Variants in TPX2 observed in about 807,000 individuals in gnomAD.
TPX2 encodes TPX2 microtubule nucleation factor.
TPX2 carries 21 observed loss-of-function variants against 93.6 expected under a neutral mutation model. The ratio of observed to expected loss-of-function variants is 0.22; its 90% CI spans 0.16 to 0.32. TPX2 has a LOEUF of 0.32. TPX2 is among the 10% of genes least tolerant of loss of function. The probability of loss-of-function intolerance (pLI) is 1.00; values close to 1 mark genes in which losing one functional copy is unlikely to be tolerated. For synonymous variants in TPX2, 281 were observed against 298.3 expected (o/e 0.94, Z 0.60); for missense variants, 776 against 871.1 (o/e 0.89, Z 1.37).
chr20:31,800,158 C>T (rs1555788804), intron 17 of TPX2, among the ~76,000 whole-genome samples: 2 of 152,060 alleles, frequency 1.3e-5, no homozygotes, highest in Non-Finnish European at 1.5e-5. Flanking sequence ...GTGATTATGC[C>T]CATAGGAAGG....
rs186879206 is a variant in TPX2 at position 31,749,449 on chromosome 20, A to G, written c.-71+6802A>G. Among the ~76,000 whole-genome samples the G allele has an allele frequency of 2.1e-3, 314 of 152,306 alleles. 1 individual carries two copies. The highest frequency in any genetic ancestry group is 3.8e-3 in the Non-Finnish European group (256 of 68,028). Reference sequence around the variant, plus strand: ...GATTATTGTGAGGATTTAGTGAGTTAATACATGTAAGACACTGTCAACAGT... The same window carrying G: ...GATTATTGTGAGGATTTAGTGAGTTGATACATGTAAGACACTGTCAACAGT... On this transcript the variant is annotated intron_variant, in intron 2 of 17. Coordinates refer to ENST00000300403, the MANE Select transcript of TPX2 (RefSeq NM_012112.5).
intron 6 of TPX2, 66 bp downstream of exon 6, chr20:31,770,537 T>C: frequency 7.3e-7 from 1 of 1,376,208 alleles, no homozygotes; most frequent in Non-Finnish European, 9.6e-7. Context: ...ACTTGTAAGT[T>C]TCTTTTCTGA....
At chr20:31,787,079 T>C (rs2062072003) in intron 12 of TPX2, among the ~76,000 whole-genome samples, 1 of 151,820 alleles carries the variant, frequency 6.6e-6, no homozygotes, top group African/African-American at 2.4e-5. Flanking sequence ...TTAATAGTAA[T>C]TGTCATTTTA....
chr20:31,762,673 A>G (rs2061897409), intron 4 of TPX2, among the ~76,000 whole-genome samples: 1 of 152,108 alleles, frequency 6.6e-6, no homozygotes, highest in South Asian at 2.1e-4. Context: ...TAGTTGTTTC[A>G]TAGTTTAAGG....
intron 2 of TPX2, among the ~76,000 whole-genome samples, chr20:31,756,195 A>G (rs995004276): frequency 1.1e-4 from 16 of 152,230 alleles, no homozygotes; most frequent in Admixed American, 7.9e-4. Flanking sequence ...TACACAAGTG[A>G]GTAAAATCTA....
At chr20:31,786,400 G>GTTTTTTTTTTTT (rs369303743) in intron 12 of TPX2, among the ~76,000 whole-genome samples, 13 of 89,344 alleles carry the variant, frequency 1.5e-4, no homozygotes, top group African/African-American at 8.4e-4. Flanking sequence ...CTGAACTACT[G>GTTTTTTTTTTTT]TTTTTTTTTT....
intron 1 of TPX2, among the ~76,000 whole-genome samples, chr20:31,741,109 T>C (rs748983437): frequency 9.2e-5 from 14 of 152,194 alleles, no homozygotes; most frequent in Non-Finnish European, 2.1e-4. Context: ...TTCATTTCTT[T>C]AGTTACCAGG....
chr20:31,781,555 G>A lies in TPX2; in HGVS notation c.1055-694G>A, dbSNP rs1451059957. On this transcript the variant is annotated intron_variant, in intron 10 of 17. Transcript: ENST00000300403. Reference sequence around the variant, plus strand: ...GCTGGGATTACAGGCGTGAGCCACTGTGACCGGCCAGGAAGGCCTTATATC... The same window carrying A: ...GCTGGGATTACAGGCGTGAGCCACTATGACCGGCCAGGAAGGCCTTATATC... Among the ~76,000 whole-genome samples the A allele has an allele frequency of 2.0e-5, 3 of 151,716 alleles. No individual in the cohort carries two copies. The East Asian group carries it at 5.9e-4, about 30-fold the overall frequency.
intron 2 of TPX2, among the ~76,000 whole-genome samples, chr20:31,750,452 CTATT>C (rs60982252): frequency 0.046 from 6,676 of 146,674 alleles, 204 homozygotes; most frequent in African/African-American, 0.084. Context: ...CCGTGCCCGG[CTATT>C]TATTTATTTA....
At chr20:31,770,680 A>C (rs564950426) in intron 6 of TPX2, among the ~76,000 whole-genome samples, 10 of 152,266 alleles carry the variant, frequency 6.6e-5, no homozygotes, top group Admixed American at 5.2e-4. Context: ...CCTGGAGGGC[A>C]CTCACATCTT....
chr20:31,785,105 A>C (rs2062057159), intron 12 of TPX2, among the ~76,000 whole-genome samples: 1 of 152,234 alleles, frequency 6.6e-6, no homozygotes, highest in East Asian at 1.9e-4. Context: ...AGGCTTTACA[A>C]AAATCATGAT....
chr20:31,766,583 A>C lies in TPX2; in HGVS notation c.257A>C (p.Glu86Ala). Reference sequence around the variant, plus strand: ...GACAACACTTACTACAAAGAGGCAGAAAAAGAAAATCTTGTGGAACAATCC... The same window carrying C: ...GACAACACTTACTACAAAGAGGCAGCAAAAGAAAATCTTGTGGAACAATCC... The part of the protein sequence containing the change: ...PVDNTYYKEA[E>A]KENLVEQSIP... Residue 86 changes from glutamate (E) to alanine (A), a missense_variant, in exon 5 of 18, where the codon GAA becomes GCA. Coordinates refer to ENST00000300403, the MANE Select transcript of TPX2 (RefSeq NM_012112.5). 6 of 1,613,672 alleles carry C rather than the reference A, an allele frequency of 3.7e-6. No homozygotes were observed. Among genetic ancestry groups the C allele is most frequent in the Non-Finnish European group, 5.1e-6 (6 of 1,179,904 alleles).
intron 2 of TPX2, among the ~76,000 whole-genome samples, chr20:31,750,640 A>C (rs1337648174): frequency 6.6e-6 from 1 of 151,580 alleles, no homozygotes; most frequent in Non-Finnish European, 1.5e-5. Flanking sequence ...TAATTTTTGT[A>C]TTTTTAGTAG....
chr20:31,770,467 A>G lies in TPX2; in HGVS notation c.481A>G (p.Lys161Glu), dbSNP rs1237241898. ...IDEILPSKKM[K>E]VSNNKKKPEE... ...TGAAATTCTACCCTCTAAGAAAATG[A>G]AAGTGTGAGTAGCCACAACTTCTTA... The change falls in exon 6 of 18, where the codon AAA becomes GAA. Residue 161 changes from lysine to glutamate, a missense_variant. Lys to Glu is a moderately conservative substitution (Grantham distance 56, BLOSUM62 1). This residue lies in a region of TPX2 where 279 missense variants were observed against 261.6 expected (regional missense o/e 1.07). Transcript: ENST00000300403. The G allele has an allele frequency of 6.3e-7, 1 of 1,577,048 alleles. No homozygotes were observed. The highest frequency in any genetic ancestry group is 8.6e-7 in the Non-Finnish European group (1 of 1,163,188).
At chr20:31,792,044 G>C (rs2062105342) in intron 12 of TPX2, among the ~76,000 whole-genome samples, 1 of 152,202 alleles carries the variant, frequency 6.6e-6, no homozygotes, top group Admixed American at 6.5e-5. Flanking sequence ...TGTTAGCAGT[G>C]TTTTAAAATC....
chr20:31,787,737 T>TTCAGTGAA (rs1312502967), intron 12 of TPX2, among the ~76,000 whole-genome samples: 12 of 152,296 alleles, frequency 7.9e-5, no homozygotes, highest in African/African-American at 2.9e-4. Context: ...ATTCATCTAG[T>TTCAGTGAA]TCAGTGAATC....
intron 2 of TPX2, among the ~76,000 whole-genome samples, chr20:31,753,748 G>A (rs971986393): frequency 7.2e-5 from 11 of 152,124 alleles, no homozygotes; most frequent in Admixed American, 3.9e-4. Flanking sequence ...GTTTCTGGCC[G>A]GGTGCGGTTG....
chr20:31,756,715 C>G (rs1015089980), intron 2 of TPX2, among the ~76,000 whole-genome samples: 1 of 152,008 alleles, frequency 6.6e-6, no homozygotes, highest in East Asian at 1.9e-4. Context: ...CTTTCACCTC[C>G]CAGGTTCAAG....
rs572323912 is a variant in TPX2, at chr20:31,778,751, CT to C, written c.883-60del. On this transcript the variant is annotated intron_variant, in intron 9 of 17. Transcript: ENST00000300403. ...TTGATCCTCTGTGCCGAATATGTGG[CT>C]TATGGTAGATGTGAGCTCTTCCGTG... The C allele has an allele frequency of 1.1e-4, 154 of 1,445,616 alleles. No homozygotes were observed. In the Middle Eastern group the frequency reaches 3.1e-3, roughly 29 times the overall value. 89.5% of individuals were successfully genotyped at this position (1,445,616 alleles called of 1,614,324 possible).
Sources: gnomAD v4.1 joint callset for allele counts (sites outside exome capture counted in the v4.1 genomes callset) on GRCh38, gnomAD v4.1.1 for gene constraint, gnomAD v4.1.1 regional missense constraint, MANE v1.5 for transcripts, NCBI Gene and HGNC (gene_info 2026-07-23, HGNC 2026-07-21) for gene names.